The following FAM13A variants were observed in gnomAD, a reference collection of about 807,000 sequenced individuals.
FAM13A encodes family with sequence similarity 13 member A, also known as protein FAM13A.
FAM13A carries 76 observed loss-of-function variants against 129.6 expected under a neutral mutation model. The observed-to-expected ratio is 0.59, with a 90% confidence interval of 0.49 to 0.71. The LOEUF is 0.71. FAM13A is among the 30% of genes least tolerant of loss of function. The pLI, the probability that FAM13A is intolerant of heterozygous loss-of-function variation, is 0.00. For synonymous variants in FAM13A, 443 were observed against 449.9 expected, an observed-to-expected ratio of 0.98 and a Z score of 0.20; for missense variants, 1,108 against 1,249.3, an observed-to-expected ratio of 0.89 and a Z score of 1.70.
Position 88,747,825 on chromosome 4 carries a change from C to T in FAM13A, c.2188G>A (p.Asp730Asn). ...CGCTGCCGCATCCTGGGAGTTAGGT[C>T]CTCTTCAGATATCTTTAGTTTTGAT... ...KESKLKISEE[D>N]LTPRMRQRSN... The change falls in exon 18 of 24, where the codon GAC (aspartate) becomes AAC (asparagine). Residue 730 changes from aspartate to asparagine, a missense_variant. By Grantham distance (23) the Asp-to-Asn change is conservative (BLOSUM62 1). Transcript: ENST00000264344. The T allele has an allele frequency of 6.2e-7, 1 of 1,613,568 alleles. No individual in the cohort carries two copies. Among genetic ancestry groups the T allele is most frequent in the Non-Finnish European group, 8.5e-7 (1 of 1,179,506 alleles).
At chr4:88,849,090 G>A (rs1049397999) in intron 7 of FAM13A, among the ~76,000 whole-genome samples, 5 of 152,136 alleles carry the variant, frequency 3.3e-5, no homozygotes, top group African/African-American at 4.8e-5. Context: ...CAAGAGAAGC[G>A]CCTGAATCTT....
intron 7 of FAM13A, among the ~76,000 whole-genome samples, chr4:88,830,784 G>A (rs1404673629): frequency 1.3e-5 from 2 of 152,122 alleles, no homozygotes; most frequent in African/African-American, 4.8e-5. Flanking sequence ...TAAGAGAGGT[G>A]GGGTTTAAAG....
intron 4 of FAM13A, among the ~76,000 whole-genome samples, chr4:88,971,203 G>A (rs569032704): frequency 1.6e-3 from 247 of 152,298 alleles, no homozygotes; most frequent in African/African-American, 5.5e-3. Flanking sequence ...GGGCGACAGA[G>A]TGAGACTCTG....
chr4:88,980,521 G>A (rs761776444), intron 4 of FAM13A, among the ~76,000 whole-genome samples: 9 of 152,066 alleles, frequency 5.9e-5, no homozygotes, highest in Non-Finnish European at 7.4e-5. Context: ...GGCAGAGAAA[G>A]GCCAAACTTT....
At chr4:89,015,332 A>G (rs1328482206) in intron 3 of FAM13A, among the ~76,000 whole-genome samples, 1 of 152,120 alleles carries the variant, frequency 6.6e-6, no homozygotes, top group African/African-American at 2.4e-5. Context: ...CCCTATTTGT[A>G]CACTCCCTCC....
At chr4:88,847,374 T>A (rs1297619040) in intron 7 of FAM13A, among the ~76,000 whole-genome samples, 1 of 151,878 alleles carries the variant, frequency 6.6e-6, no homozygotes, top group Non-Finnish European at 1.5e-5. Context: ...CTGGGCAATA[T>A]AGTTAAAGCC....
At position 88,852,104 on chromosome 4, in the gene FAM13A, T is replaced by C. The variant is rs193123405; in HGVS notation, c.844-921A>G. Among the ~76,000 whole-genome samples the C allele has an allele frequency of 2.3e-3, 344 of 151,932 alleles. 5 individuals carry two copies. The highest frequency in any genetic ancestry group is 1.0e-3 in the Non-Finnish European group (70 of 67,946). On this transcript the variant is annotated intron_variant, in intron 6 of 23. Transcript: ENST00000264344. ...CAACTGCTTAAAACCAAACCAATCC[T>C]AACTTCCTTAGAGGCTGAGATAACT...
At chr4:89,016,818 A>G (rs913896730) in intron 3 of FAM13A, among the ~76,000 whole-genome samples, 75 of 152,080 alleles carry the variant, frequency 4.9e-4, no homozygotes, top group Non-Finnish European at 9.6e-4. Flanking sequence ...AATTTTCTGT[A>G]GAGATGCGGT....
chr4:88,957,712 G>A (rs1388620610), intron 4 of FAM13A, among the ~76,000 whole-genome samples: 6 of 152,210 alleles, frequency 3.9e-5, no homozygotes, highest in Non-Finnish European at 8.8e-5. Flanking sequence ...TTAAGTGGTT[G>A]TGACCAAAAT....
chr4:88,801,312 A>T (rs1449283060), intron 8 of FAM13A, among the ~76,000 whole-genome samples: 1 of 152,242 alleles, frequency 6.6e-6, no homozygotes, highest in Non-Finnish European at 1.5e-5. Context: ...AAAATTAACC[A>T]AATTAGAAAC....
In FAM13A at chr4:89,003,543, G is replaced by A. The variant is rs542321502; in HGVS notation, c.428-12393C>T. Among the ~76,000 whole-genome samples, 5 of 152,196 alleles carry A rather than the reference G, an allele frequency of 3.3e-5. No individual in the cohort carries two copies. The East Asian group carries it at 9.7e-4, about 29-fold the overall frequency. On this transcript the variant is annotated intron_variant, in intron 3 of 23. Coordinates refer to ENST00000264344, the MANE Select transcript of FAM13A (RefSeq NM_014883.4). ...GCAGAATCATGGTTATAGGTGTGCG[G>A]GAGGTGGAGGTTGCAGTAAGCAGAG...
chr4:88,783,498 C>T (rs555815094), intron 10 of FAM13A, among the ~76,000 whole-genome samples: 38 of 152,192 alleles, frequency 2.5e-4, no homozygotes, highest in Middle Eastern at 6.8e-3. Context: ...GGGGTTTCAT[C>T]ATATTGGCCA....
chr4:88,840,911 G>C (rs72872139), intron 7 of FAM13A, among the ~76,000 whole-genome samples: 2,344 of 152,166 alleles, frequency 0.015, 71 homozygotes, highest in African/African-American at 0.054. Context: ...AGCAAATGGT[G>C]CTGGGACAAC....
intron 8 of FAM13A, among the ~76,000 whole-genome samples, chr4:88,792,118 A>G (rs1213168720): frequency 6.6e-6 from 1 of 152,024 alleles, no homozygotes; most frequent in Non-Finnish European, 1.5e-5. Context: ...AGACTTACTG[A>G]GTACTTACTA....
intron 5 of FAM13A, among the ~76,000 whole-genome samples, chr4:88,934,401 C>A (rs1460251829): frequency 1.3e-5 from 2 of 152,136 alleles, no homozygotes; most frequent in East Asian, 3.8e-4. Flanking sequence ...TAATTATTAA[C>A]ACTTGGATTT....
intron 6 of FAM13A, among the ~76,000 whole-genome samples, chr4:88,882,768 G>C (rs1743798587): frequency 6.6e-6 from 1 of 152,022 alleles, no homozygotes; most frequent in Admixed American, 6.5e-5. Context: ...ATCTTCAAGA[G>C]ACTCACCTAA....
chr4:88,897,984 C>G (rs1449760489), intron 6 of FAM13A, among the ~76,000 whole-genome samples: 2 of 152,088 alleles, frequency 1.3e-5, no homozygotes, highest in African/African-American at 4.8e-5. Context: ...AAGACTTAAC[C>G]AATGAAGTAA....
chr4:88,798,862 T>C (rs907182334), intron 8 of FAM13A, among the ~76,000 whole-genome samples: 12 of 151,764 alleles, frequency 7.9e-5, no homozygotes, highest in Admixed American at 2.6e-4. Flanking sequence ...GCAGGGAAAC[T>C]GAGGAATGAA....
chr4:88,995,617 C>T (rs954810782), intron 3 of FAM13A, among the ~76,000 whole-genome samples: 1 of 152,124 alleles, frequency 6.6e-6, no homozygotes, highest in Non-Finnish European at 1.5e-5. Flanking sequence ...GGCCTTCAGC[C>T]ACAGACTGAA....
Sources: allele counts gnomAD v4.1 joint callset (sites outside exome capture counted in the v4.1 genomes callset), GRCh38; gene constraint gnomAD v4.1.1; transcripts MANE v1.5; gene names NCBI Gene and HGNC (gene_info 2026-07-23, HGNC 2026-07-21).